Variants in RPF2 observed in about 807,000 individuals in gnomAD.
RPF2 encodes the protein brix domain containing 1.
RPF2 carries 21 observed loss-of-function variants against 38.9 expected under a neutral mutation model. The ratio of observed to expected loss-of-function variants is 0.54; its 90% CI spans 0.38 to 0.78. RPF2 has a LOEUF of 0.78. Among genes scored for constraint, RPF2 ranks in the 30% least tolerant of loss-of-function variants. The pLI, the probability that RPF2 is intolerant of heterozygous loss-of-function variation, is 0.00. For missense variants in RPF2, 314 were observed against 358.1 expected (o/e 0.88, Z 0.99); for synonymous variants, 121 against 126.2 (o/e 0.96, Z 0.28).
chr6:110,982,539 A>ACGGCGACCACCG, intron 1 of RPF2: 1 of 202,566 alleles, frequency 4.9e-6, no homozygotes, highest in Non-Finnish European at 1.0e-5. Flanking sequence ...CTTATTCTGT[A>ACGGCGACCACCG]AAATAGCGCT....
rs749014960 is a variant in RPF2 at position 110,982,145 on chromosome 6, C to T, written c.23+16C>T. 47 of 1,614,054 alleles carry T rather than the reference C, an allele frequency of 2.9e-5. No individual in the cohort carries two copies. Among genetic ancestry groups the T allele is most frequent in the Non-Finnish European group, 3.9e-5 (46 of 1,179,906 alleles). On this transcript the variant is annotated intron_variant, in intron 1 of 9. Transcript: ENST00000441448. Reference sequence around the variant, plus strand: ...ATCGAGTAGTGTAAGTGCGCTGGGTCTCAGCCCCGGGGAGCGTTGGGGTGA... The same window carrying T: ...ATCGAGTAGTGTAAGTGCGCTGGGTTTCAGCCCCGGGGAGCGTTGGGGTGA...
chr6:111,004,887 CTT>C (rs1771882384), intron 6 of RPF2, among the ~76,000 whole-genome samples: 1 of 151,594 alleles, frequency 6.6e-6, no homozygotes, highest in East Asian at 1.9e-4. Flanking sequence ...TTTCACATAA[CTT>C]TTATTTGTCT....
chr6:111,020,014 A>G (rs1772203064), intron 8 of RPF2, among the ~76,000 whole-genome samples: 1 of 151,196 alleles, frequency 6.6e-6, no homozygotes, highest in Non-Finnish European at 1.5e-5. Context: ...TCCCGGGTTC[A>G]TGCCATTCTC....
chr6:110,982,345 G>A, intron 1 of RPF2: 2 of 605,964 alleles, frequency 3.3e-6, no homozygotes, highest in South Asian at 2.0e-5. Flanking sequence ...GGAGGGATGT[G>A]GGATTGAAGC....
intron 9 of RPF2, 144 bp downstream of exon 9, chr6:111,024,471 T>C (rs1185883293): frequency 1.6e-6 from 1 of 619,250 alleles, no homozygotes; most frequent in East Asian, 3.4e-5. Context: ...CCCAGCACTT[T>C]GGGAGGCCGA....
At chr6:110,994,112 A>G (rs113004257) in intron 4 of RPF2, among the ~76,000 whole-genome samples, 2,526 of 152,190 alleles carry the variant, frequency 0.017, 43 homozygotes, top group African/African-American at 0.044. Flanking sequence ...CCCTGTCTCT[A>G]TTAAAAATAC....
intron 3 of RPF2, among the ~76,000 whole-genome samples, chr6:110,990,640 A>C (rs987983497): frequency 5.9e-5 from 8 of 136,086 alleles, no homozygotes; most frequent in Non-Finnish European, 1.1e-4. Flanking sequence ...CCTGGAGTGC[A>C]GTGGTGCGAC....
chr6:111,021,949 A>G (rs757485340), intron 8 of RPF2, among the ~76,000 whole-genome samples: 1 of 152,246 alleles, frequency 6.6e-6, no homozygotes, highest in East Asian at 1.9e-4. Flanking sequence ...AACCTTTAAC[A>G]TGATCTTTTG....
intron 7 of RPF2, 89 bp from the exon 8 acceptor site, chr6:111,015,665 G>T: frequency 1.1e-6 from 1 of 879,668 alleles, no homozygotes; most frequent in Non-Finnish European, 1.8e-6. Flanking sequence ...GATAAGTATT[G>T]GAGCAAAACT....
Position 110,982,073 on chromosome 6 carries a change from GC to G in RPF2, c.-29del. ...ACGTAATCGCCGAGGGCACGTGCAT[GC>G]CCCCTGGTTAAGAGTTGCAGGTAGC... On this transcript the variant is annotated 5_prime_UTR_variant, in exon 1 of 10. An upstream open reading frame in the 5' UTR loses its in-frame stop. Transcript: ENST00000441448. 6.2e-7 allele frequency: 1 copy of G among 1,613,810 alleles called. No individual in the cohort carries two copies. The highest frequency in any genetic ancestry group is 8.5e-7 in the Non-Finnish European group (1 of 1,179,672).
intron 7 of RPF2, among the ~76,000 whole-genome samples, chr6:111,009,719 G>A (rs1237755349): frequency 6.6e-6 from 1 of 152,088 alleles, no homozygotes; most frequent in East Asian, 1.9e-4. Flanking sequence ...TGATGCCCAG[G>A]CTGGAGTGCA....
intron 8 of RPF2, among the ~76,000 whole-genome samples, chr6:111,021,866 A>G (rs1772240581): frequency 6.6e-6 from 1 of 152,232 alleles, no homozygotes; most frequent in Admixed American, 6.5e-5. Context: ...ATTTGTGAAG[A>G]TAAATGAGGT....
At chr6:110,990,557 G>T in intron 3 of RPF2, among the ~76,000 whole-genome samples, 1 of 106,084 alleles carries the variant, frequency 9.4e-6, no homozygotes, top group Admixed American at 8.9e-5. Context: ...TGGCAATTGG[G>T]AACCCCCCCC....
intron 8 of RPF2, among the ~76,000 whole-genome samples, chr6:111,018,159 A>G (rs1246105724): frequency 2.1e-5 from 3 of 144,342 alleles, no homozygotes; most frequent in African/African-American, 7.6e-5. Flanking sequence ...CGGAGATGGC[A>G]GCAGTACAGT....
At chr6:111,018,487 C>T (rs1772171766) in intron 8 of RPF2, among the ~76,000 whole-genome samples, 1 of 152,190 alleles carries the variant, frequency 6.6e-6, no homozygotes, top group South Asian at 2.1e-4. Context: ...CCATTTGTAT[C>T]TAGCATTTTG....
At chr6:111,013,293 A>T (rs895640020) in intron 7 of RPF2, among the ~76,000 whole-genome samples, 1 of 152,226 alleles carries the variant, frequency 6.6e-6, no homozygotes, top group African/African-American at 2.4e-5. Flanking sequence ...ATTCTTGCCA[A>T]TGGTATTCAT....
At chr6:111,022,938 G>C (rs368058993) in intron 8 of RPF2, among the ~76,000 whole-genome samples, 3 of 152,148 alleles carry the variant, frequency 2.0e-5, no homozygotes, top group Admixed American at 6.5e-5. Flanking sequence ...TCGCCCTGTC[G>C]CCCAGACTGG....
chr6:111,023,254 C>T (rs529776225), intron 8 of RPF2, among the ~76,000 whole-genome samples: 2 of 152,300 alleles, frequency 1.3e-5, no homozygotes, highest in South Asian at 4.1e-4. Flanking sequence ...ACCAGTGTTT[C>T]CAGATCCAGA....
chr6:110,985,242 C>T (rs1211170042), intron 2 of RPF2, 104 bp downstream of exon 2: 1 of 990,180 alleles, frequency 1.0e-6, no homozygotes, highest in East Asian at 2.5e-5. Flanking sequence ...CTTGCCTTAC[C>T]ATAAGAACTA....
Sources: gnomAD v4.1 joint callset for allele counts (sites outside exome capture counted in the v4.1 genomes callset) on GRCh38, gnomAD v4.1.1 for gene constraint, MANE v1.5 for transcripts, NCBI Gene and HGNC (gene_info 2026-07-23, HGNC 2026-07-21) for gene names.